Variants in ALKBH3 observed in about 807,000 individuals in gnomAD.
The protein encoded by ALKBH3 is alkB homolog 3, alpha-ketoglutarate dependent dioxygenase, also known as alpha-ketoglutarate-dependent dioxygenase alkB homolog 3.
Under a neutral mutation model 43.9 loss-of-function variants are expected in ALKBH3, and 51 were observed. That is an observed-to-expected ratio of 1.16 (90% confidence interval 0.93 to 1.47). ALKBH3 has a LOEUF of 1.47. Among genes scored for constraint, ALKBH3 ranks in the 40% most tolerant of loss-of-function variants. The probability of loss-of-function intolerance (pLI) is 0.00; values close to 1 mark genes in which losing one functional copy is unlikely to be tolerated. For missense variants in ALKBH3, 361 were observed against 351.9 expected (o/e 1.03, Z -0.21); for synonymous variants, 102 against 115.2 (o/e 0.89, Z 0.73).
intron 8 of ALKBH3, among the ~76,000 whole-genome samples, chr11:43,914,143 T>C (rs1951963723): frequency 6.6e-6 from 1 of 152,124 alleles, no homozygotes; most frequent in South Asian, 2.1e-4. Flanking sequence ...GGACAGGAAA[T>C]ATTAGGATTT....
intron 6 of ALKBH3, among the ~76,000 whole-genome samples, chr11:43,890,389 C>A (rs1367409820): frequency 1.3e-5 from 2 of 152,184 alleles, no homozygotes; most frequent in Non-Finnish European, 2.9e-5. Flanking sequence ...CCAACAGTGC[C>A]TGTTATACCA....
intron 4 of ALKBH3, among the ~76,000 whole-genome samples, 176 bp from the exon 5 acceptor site, chr11:43,886,430 A>G (rs1951746752): frequency 6.6e-6 from 1 of 152,188 alleles, no homozygotes; most frequent in African/African-American, 2.4e-5. Context: ...TTCCAGTGCC[A>G]TTAATGATAT....
chr11:43,885,350 C>G (rs1277789733), intron 4 of ALKBH3, among the ~76,000 whole-genome samples: 1 of 152,220 alleles, frequency 6.6e-6, no homozygotes, highest in Admixed American at 6.5e-5. Context: ...ATTTTGTTCT[C>G]TGTATACTCA....
intron 4 of ALKBH3, among the ~76,000 whole-genome samples, chr11:43,885,561 G>A (rs1371621021): frequency 1.3e-5 from 2 of 152,204 alleles, no homozygotes; most frequent in African/African-American, 4.8e-5. Context: ...AGAAGGATCT[G>A]ACACAATTGT....
At chr11:43,882,479 C>G (rs1420186475) in intron 1 of ALKBH3, 104 bp from the exon 2 acceptor site, 1 of 513,570 alleles carries the variant, frequency 1.9e-6, no homozygotes, top group Non-Finnish European at 3.4e-6. Flanking sequence ...TACATGGAAG[C>G]TCTATTGCCA....
At chr11:43,882,915 C>T (rs563531775) in intron 2 of ALKBH3, 170 bp from the exon 3 acceptor site, 19 of 819,402 alleles carry the variant, frequency 2.3e-5, no homozygotes, top group Non-Finnish European at 3.6e-5. Flanking sequence ...TAATGTTCCT[C>T]ATATTTAGTC....
At chr11:43,888,780 T>C (rs1432454661) in intron 5 of ALKBH3, among the ~76,000 whole-genome samples, 1 of 152,268 alleles carries the variant, frequency 6.6e-6, no homozygotes, top group Non-Finnish European at 1.5e-5. Context: ...GAAGATTTGC[T>C]ACCAAGGCAG....
At chr11:43,888,300 G>A (rs61883981) in intron 5 of ALKBH3, among the ~76,000 whole-genome samples, 1 of 27,896 alleles carries the variant, frequency 3.6e-5, no homozygotes, top group Non-Finnish European at 1.1e-4. Flanking sequence ...ATGGGGTTTC[G>A]CCATGTTGCC....
At chr11:43,896,300 C>CGT (rs1951818573) in intron 7 of ALKBH3, among the ~76,000 whole-genome samples, 2 of 144,580 alleles carry the variant, frequency 1.4e-5, no homozygotes, top group African/African-American at 2.5e-5. Context: ...CACACACACA[C>CGT]GTATATATAT....
At chr11:43,882,922 A>G in intron 2 of ALKBH3, 163 bp from the exon 3 acceptor site, 1 of 813,436 alleles carries the variant, frequency 1.2e-6, no homozygotes, top group East Asian at 2.7e-5. Flanking sequence ...CCTCATATTT[A>G]GTCCACACCC....
intron 4 of ALKBH3, among the ~76,000 whole-genome samples, chr11:43,885,661 C>T (rs1013181098): frequency 1.1e-4 from 16 of 152,218 alleles, no homozygotes; most frequent in Non-Finnish European, 2.2e-4. Context: ...TACATTTCCA[C>T]ATTTGATTAA....
intron 8 of ALKBH3, among the ~76,000 whole-genome samples, chr11:43,914,820 G>A (rs1407741018): frequency 4.6e-5 from 7 of 151,988 alleles, no homozygotes; most frequent in Admixed American, 1.3e-4. Context: ...AGAAAACAGT[G>A]TTAACACCCC....
At chr11:43,894,427 T>G (rs950179072) in intron 7 of ALKBH3, among the ~76,000 whole-genome samples, 7 of 152,244 alleles carry the variant, frequency 4.6e-5, no homozygotes, top group Admixed American at 4.6e-4. Context: ...AATTTTAATT[T>G]AGACATTCAG....
In ALKBH3 at chr11:43,904,004, A is replaced by G. The variant is rs970149572; in HGVS notation, c.669+2279A>G. Among the ~76,000 whole-genome samples, 8 of 152,304 alleles carry G rather than the reference A, an allele frequency of 5.3e-5. No homozygotes were observed. In the East Asian group the frequency reaches 1.5e-3, roughly 29 times the overall value. Reference sequence around the variant, plus strand: ...AGTTATGTTATAGGGTAACATGTAGATGGAGAGCATAACTACTACATACAT... The same window carrying G: ...AGTTATGTTATAGGGTAACATGTAGGTGGAGAGCATAACTACTACATACAT... On this transcript the variant is annotated intron_variant, in intron 8 of 9. Transcript: ENST00000302708.
chr11:43,908,378 G>T (rs1951911388), intron 8 of ALKBH3, among the ~76,000 whole-genome samples: 1 of 152,196 alleles, frequency 6.6e-6, no homozygotes, highest in Non-Finnish European at 1.5e-5. Flanking sequence ...GTTTGGGAAT[G>T]AGTGTTCTGG....
At chr11:43,898,535 C>A (rs1311311700) in intron 7 of ALKBH3, 4 of 812,358 alleles carry the variant, frequency 4.9e-6, no homozygotes, top group Non-Finnish European at 8.8e-6. Context: ...TACGTTCTCT[C>A]CATAAATGAA....
intron 8 of ALKBH3, among the ~76,000 whole-genome samples, chr11:43,905,175 T>C (rs1015813102): frequency 6.6e-6 from 1 of 152,312 alleles, no homozygotes; most frequent in African/African-American, 2.4e-5. Context: ...TTTTAAAAAT[T>C]CAAATTCCTC....
At chr11:43,904,064 A>G (rs559637944) in intron 8 of ALKBH3, among the ~76,000 whole-genome samples, 8 of 152,164 alleles carry the variant, frequency 5.3e-5, no homozygotes, top group Non-Finnish European at 1.2e-4. Context: ...ACAGCGCTTT[A>G]TCCTGCCGTG....
At chr11:43,904,716 G>A (rs568065393) in intron 8 of ALKBH3, among the ~76,000 whole-genome samples, 2 of 152,090 alleles carry the variant, frequency 1.3e-5, no homozygotes, top group East Asian at 3.9e-4. Flanking sequence ...TTTTTCCAAA[G>A]GATTGAAAGG....
Sources: allele counts gnomAD v4.1 joint callset (sites outside exome capture counted in the v4.1 genomes callset), GRCh38; gene constraint gnomAD v4.1.1; transcripts MANE v1.5; gene names NCBI Gene and HGNC (gene_info 2026-07-23, HGNC 2026-07-21).